Variants in CASK observed in about 807,000 individuals in gnomAD.
CASK encodes the protein calcium/calmodulin dependent serine protein kinase, also known as peripheral plasma membrane protein CASK.
A neutral mutation model predicts 82.9 loss-of-function variants in CASK; 4 were observed. The ratio of observed to expected loss-of-function variants is 0.05; its 90% confidence interval spans 0.02 to 0.11. The LOEUF (loss-of-function observed/expected upper bound fraction) is 0.11, where lower values mean the gene tolerates loss of function less well. Among genes scored for constraint, CASK ranks in the 10% least tolerant of loss-of-function variants. The pLI is 1.00. For missense variants in CASK, 358 were observed against 720.9 expected, an observed-to-expected ratio of 0.50 and a Z score of 5.76; for synonymous variants, 259 against 253.5, an observed-to-expected ratio of 1.02 and a Z score of -0.20.
At chrX:41,571,556 T>C (rs913957412) in intron 15 of CASK, among the ~76,000 whole-genome samples, 3 of 111,830 alleles carry the variant, frequency 2.7e-5, no homozygotes, top group Admixed American at 9.5e-5. Context: ...CGTGATTGTA[T>C]AGCCATTTTT....
chrX:41,825,935 T>A (rs1465728883), intron 2 of CASK, among the ~76,000 whole-genome samples: 1 of 112,215 alleles, frequency 8.9e-6, no homozygotes, highest in East Asian at 2.8e-4. Context: ...TTTCAAATAG[T>A]CTGTAATTGT....
At chrX:41,600,084 T>C (rs987297111) in intron 12 of CASK, among the ~76,000 whole-genome samples, 1 of 112,063 alleles carries the variant, frequency 8.9e-6, no homozygotes, top group African/African-American at 3.2e-5. Context: ...TAAATGAACA[T>C]ACAATTATTA....
chrX:41,668,031 T>G (rs948117078), intron 6 of CASK, among the ~76,000 whole-genome samples: 94 of 112,038 alleles, frequency 8.4e-4, no homozygotes, highest in African/African-American at 3.0e-3. Flanking sequence ...CCTAATTTGT[T>G]GCTTTTATAA....
At chrX:41,842,569 G>GAAA (rs375808137) in intron 2 of CASK, among the ~76,000 whole-genome samples, 26 of 94,163 alleles carry the variant, frequency 2.8e-4, no homozygotes, top group African/African-American at 9.3e-4. Context: ...CTGTCTCCAG[G>GAAA]AAAAAAAAAA....
chrX:41,641,356 T>C (rs1196030452), intron 8 of CASK, among the ~76,000 whole-genome samples: 1 of 112,018 alleles, frequency 8.9e-6, no homozygotes, highest in Non-Finnish European at 1.9e-5. Context: ...GTAATTGGTG[T>C]GTTCATTACC....
intron 3 of CASK, among the ~76,000 whole-genome samples, chrX:41,764,109 T>C (rs1457973268): frequency 8.9e-6 from 1 of 111,778 alleles, no homozygotes; most frequent in Non-Finnish European, 1.9e-5. Flanking sequence ...GTGCAGAGCA[T>C]GAACACTCGA....
intron 3 of CASK, among the ~76,000 whole-genome samples, chrX:41,780,151 C>T (rs1174347756): frequency 9.0e-6 from 1 of 111,635 alleles, no homozygotes; most frequent in Non-Finnish European, 1.9e-5. Flanking sequence ...AACTCAAGTA[C>T]CAGATACTAC....
chrX:41,904,088 A>G (rs1191235445), intron 1 of CASK, among the ~76,000 whole-genome samples: 1 of 111,862 alleles, frequency 8.9e-6, no homozygotes, highest in African/African-American at 3.3e-5. Context: ...TCTAGTGTCT[A>G]TATCAACAGA....
Position 41,922,998 on chromosome X carries a change from G to A in CASK, c.-10C>T, listed in dbSNP as rs1000599391. 3.3e-6 allele frequency: 4 copies of A among 1,207,374 alleles called. No homozygotes were observed. The highest frequency in any genetic ancestry group is 3.4e-6 in the Non-Finnish European group (3 of 892,955). On this transcript the variant is annotated 5_prime_UTR_variant, in exon 1 of 27. Coordinates refer to ENST00000378163, the MANE Select transcript of CASK (RefSeq NM_001367721.1). Reference sequence around the variant, plus strand: ...CGTCGTCGTCGGCCATGGTCCGGAGGGGATAGCGGCCGCAGCGTGGAGGGC... The same window carrying A: ...CGTCGTCGTCGGCCATGGTCCGGAGAGGATAGCGGCCGCAGCGTGGAGGGC...
chrX:41,777,834 C>T (rs2069394420), intron 3 of CASK, among the ~76,000 whole-genome samples: 1 of 111,819 alleles, frequency 8.9e-6, no homozygotes, highest in Admixed American at 9.6e-5. Context: ...TGTATGTATT[C>T]ATATACTCTT....
chrX:41,672,765 A>G (rs1396814375), intron 5 of CASK, among the ~76,000 whole-genome samples: 1 of 112,137 alleles, frequency 8.9e-6, no homozygotes, highest in Non-Finnish European at 1.9e-5. Context: ...GCCAGGAAAT[A>G]CAAGTGTGTA....
chrX:41,620,263 G>T (rs2066267708), intron 11 of CASK, among the ~76,000 whole-genome samples: 1 of 112,006 alleles, frequency 8.9e-6, no homozygotes, highest in Non-Finnish European at 1.9e-5. Flanking sequence ...TTTTCAGATG[G>T]ATGACAGTTG....
At chrX:41,554,090 T>C (rs890802910) in intron 20 of CASK, among the ~76,000 whole-genome samples, 175 bp from the exon 21 acceptor site, 2 of 112,564 alleles carry the variant, frequency 1.8e-5, no homozygotes, top group Non-Finnish European at 3.8e-5. Context: ...AACAATGTAC[T>C]AGTAATCTTT....
intron 3 of CASK, among the ~76,000 whole-genome samples, chrX:41,779,992 CA>C (rs755365672): frequency 1.8e-5 from 2 of 110,954 alleles, no homozygotes; most frequent in Non-Finnish European, 3.8e-5. Flanking sequence ...TTAAAAGATA[CA>C]AAAAAATTAT....
At chrX:41,857,592 G>GAAA (rs1438344546) in intron 1 of CASK, among the ~76,000 whole-genome samples, 2 of 112,040 alleles carry the variant, frequency 1.8e-5, no homozygotes, top group Non-Finnish European at 3.8e-5. Flanking sequence ...AAGAGCCCTT[G>GAAA]AAAAACACAC....
chrX:41,877,755 A>T (rs932778658), intron 1 of CASK, among the ~76,000 whole-genome samples: 2 of 111,590 alleles, frequency 1.8e-5, no homozygotes, highest in African/African-American at 6.5e-5. Context: ...AACTATCTTA[A>T]GAAATCATTT....
At chrX:41,736,842 C>T (rs2068508078) in intron 5 of CASK, among the ~76,000 whole-genome samples, 1 of 111,698 alleles carries the variant, frequency 9.0e-6, no homozygotes. Context: ...AGAACAAGCT[C>T]CAATGTGACC....
At chrX:41,620,743 T>A (rs919049450) in intron 11 of CASK, among the ~76,000 whole-genome samples, 1 of 112,072 alleles carries the variant, frequency 8.9e-6, no homozygotes, top group Non-Finnish European at 1.9e-5. Context: ...CAATAATGAA[T>A]CCTGTAATGG....
intron 26 of CASK, among the ~76,000 whole-genome samples, chrX:41,521,312 C>T (rs765194619): frequency 9.0e-6 from 1 of 111,705 alleles, no homozygotes; most frequent in African/African-American, 3.3e-5. Context: ...TCTGATGAAT[C>T]CCCCCAAATT....
Sources: allele counts gnomAD v4.1 joint callset (sites outside exome capture counted in the v4.1 genomes callset), GRCh38; gene constraint gnomAD v4.1.1; transcripts MANE v1.5; gene names NCBI Gene and HGNC (gene_info 2026-07-23, HGNC 2026-07-21).